The following PAX3 variants were observed in gnomAD, a reference collection of about 807,000 sequenced individuals.
PAX3 encodes the protein paired box 3, also known as paired box protein Pax-3.
In PAX3, 14 loss-of-function variants were observed where a neutral mutation model predicts 51.6. The observed-to-expected ratio is 0.27, with a 90% CI of 0.18 to 0.42. PAX3 has a LOEUF of 0.42. Among genes scored for constraint, PAX3 ranks in the 10% least tolerant of loss-of-function variants. The pLI is 1.00. For missense variants in PAX3, 540 were observed against 642.8 expected (o/e 0.84, Z 1.73); for synonymous variants, 280 against 253.4 (o/e 1.11, Z -1.00).
chr2:222,293,845 T>A, intron 4 of PAX3: 1 of 1,613,160 alleles, frequency 6.2e-7, no homozygotes, highest in Non-Finnish European at 8.5e-7. Context: ...CCCAGTCTCA[T>A]ACATTTAATG....
intron 4 of PAX3, among the ~76,000 whole-genome samples, chr2:222,289,742 C>T (rs1694962192): frequency 6.6e-6 from 1 of 152,212 alleles, no homozygotes; most frequent in Non-Finnish European, 1.5e-5. Flanking sequence ...CCTTTCAAAT[C>T]GTTCCAGCAG....
chr2:222,280,509 C>T (rs1559306399), intron 4 of PAX3, among the ~76,000 whole-genome samples: 1 of 152,102 alleles, frequency 6.6e-6, no homozygotes, highest in African/African-American at 2.4e-5. Context: ...TAATATAAGA[C>T]AAAGGTATGC....
intron 7 of PAX3, among the ~76,000 whole-genome samples, chr2:222,213,398 C>T (rs1193046522): frequency 1.3e-5 from 2 of 152,114 alleles, no homozygotes; most frequent in African/African-American, 2.4e-5. Flanking sequence ...CAGAACATCT[C>T]GAAAACCTAA....
rs28945093 is a variant in PAX3, at chr2:222,294,081, T to G, written c.586+86A>C. On this transcript the variant is annotated intron_variant, in intron 4 of 8. Transcript: ENST00000392070. ...GAAGGGACCTTGATCCGAGCTGGGC[T>G]TGGCTGCCGTCAGATCACCAATGTC... is the stretch of plus-strand genomic sequence containing the variant. 11,413 of 1,597,702 alleles carry G rather than the reference T, an allele frequency of 7.1e-3. 64 individuals carry two copies. Among genetic ancestry groups the G allele is most frequent in the Non-Finnish European group, 9.0e-3 (10,561 of 1,171,146 alleles).
At chr2:222,283,214 C>T (rs1694707557) in intron 4 of PAX3, among the ~76,000 whole-genome samples, 1 of 152,156 alleles carries the variant, frequency 6.6e-6, no homozygotes, top group Non-Finnish European at 1.5e-5. Context: ...GCTATACAAA[C>T]AAGACATTAT....
rs770092308 is a variant in PAX3 at position 222,298,631 on chromosome 2, G to A, written c.-16C>T. On this transcript the variant is annotated 5_prime_UTR_variant, in exon 1 of 9. Transcript: ENST00000392070. ...GCGTGGTCATCCTGGGGGCAGCTTC[G>A]CTCGGAAATTATATCCAGGTGAAGG... 4 of 1,595,718 alleles carry A rather than the reference G, an allele frequency of 2.5e-6. No individual in the cohort carries two copies. Among genetic ancestry groups the A allele is most frequent in the Non-Finnish European group, 3.4e-6 (4 of 1,171,354 alleles).
chr2:222,203,012 C>CATATAT (rs71053057), intron 7 of PAX3, among the ~76,000 whole-genome samples: 1,307 of 41,002 alleles, frequency 0.032, 165 homozygotes, highest in East Asian at 0.076. Flanking sequence ...ACAACCATTT[C>CATATAT]ATATATATAT....
intron 4 of PAX3, among the ~76,000 whole-genome samples, chr2:222,254,975 G>T (rs1316599585): frequency 6.6e-6 from 1 of 152,000 alleles, no homozygotes; most frequent in Admixed American, 6.6e-5. Context: ...AAGAGATGGG[G>T]TTTCGCCATG....
At position 222,290,553 on chromosome 2, in the gene PAX3, A is replaced by T. The variant is rs548420359; in HGVS notation, c.586+3614T>A. Reference sequence around the variant, plus strand: ...ATCGCCAGTCCCCAATCAAAACATCAATTTGGCAATCTGGCCTCTCTCCCC... The same window carrying T: ...ATCGCCAGTCCCCAATCAAAACATCTATTTGGCAATCTGGCCTCTCTCCCC... On this transcript the variant is annotated intron_variant, in intron 4 of 8. Transcript: ENST00000392070. 3.3e-5 allele frequency among the ~76,000 whole-genome samples: 5 copies of T among 152,208 alleles called. No homozygotes were observed. In the East Asian group the frequency reaches 7.7e-4, roughly 24 times the overall value.
chr2:222,235,090 T>G (rs948620145), intron 4 of PAX3, among the ~76,000 whole-genome samples: 1 of 152,208 alleles, frequency 6.6e-6, no homozygotes, highest in Non-Finnish European at 1.5e-5. Flanking sequence ...TTAAATTCTT[T>G]CAAGTAAATA....
chr2:222,261,287 G>A (rs1413904355), intron 4 of PAX3, among the ~76,000 whole-genome samples: 1 of 152,086 alleles, frequency 6.6e-6, no homozygotes, highest in Non-Finnish European at 1.5e-5. Context: ...CCAAATTTGA[G>A]GCTCACTTGC....
chr2:222,240,943 A>G (rs1159317850), intron 4 of PAX3, among the ~76,000 whole-genome samples: 1 of 152,218 alleles, frequency 6.6e-6, no homozygotes, highest in Non-Finnish European at 1.5e-5. Context: ...ACACAAGAAA[A>G]TGTGTCCCTA....
chr2:222,238,871 A>G (rs937911548), intron 4 of PAX3, among the ~76,000 whole-genome samples: 2 of 152,252 alleles, frequency 1.3e-5, no homozygotes, highest in African/African-American at 4.8e-5. Context: ...TAACAGGTCA[A>G]CTTGAAGTTT....
At position 222,219,814 on chromosome 2, in the gene PAX3, C is replaced by A. The variant is rs927253173; in HGVS notation, c.1173+326G>T. On this transcript the variant is annotated intron_variant, in intron 7 of 8. Transcript: ENST00000392070. Reference sequence around the variant, plus strand: ...TAAAACAAAAAAACAAAACAAAAAACCTGCCACTGTTTGCAAGCTTCTTAA... The same window carrying A: ...TAAAACAAAAAAACAAAACAAAAAAACTGCCACTGTTTGCAAGCTTCTTAA... Among the ~76,000 whole-genome samples the A allele has an allele frequency of 3.9e-5, 6 of 152,138 alleles. No individual in the cohort carries two copies. In the East Asian group the frequency reaches 9.6e-4, roughly 24 times the overall value.
intron 4 of PAX3, among the ~76,000 whole-genome samples, chr2:222,288,468 C>T (rs755394878): frequency 1.1e-4 from 17 of 152,126 alleles, no homozygotes; most frequent in African/African-American, 4.8e-5. Context: ...TATGGAAACA[C>T]GTGTAGAGAG....
At chr2:222,213,513 C>A (rs778588237) in intron 7 of PAX3, among the ~76,000 whole-genome samples, 1 of 152,142 alleles carries the variant, frequency 6.6e-6, no homozygotes, top group Non-Finnish European at 1.5e-5. Flanking sequence ...AACATCGAGG[C>A]TTCTGAAGCC....
intron 4 of PAX3, among the ~76,000 whole-genome samples, chr2:222,286,579 A>C (rs1043997237): frequency 1.2e-4 from 18 of 152,254 alleles, no homozygotes; most frequent in African/African-American, 4.1e-4. Context: ...GTTTCACTTA[A>C]AAAATCCTGC....
intron 4 of PAX3, among the ~76,000 whole-genome samples, chr2:222,240,886 A>G (rs1574675284): frequency 6.6e-6 from 1 of 152,220 alleles, no homozygotes; most frequent in Non-Finnish European, 1.5e-5. Flanking sequence ...TTAAAACGCC[A>G]TGGTAACTAC....
chr2:222,206,444 G>A (rs1691513300), intron 7 of PAX3, among the ~76,000 whole-genome samples: 1 of 151,458 alleles, frequency 6.6e-6, no homozygotes. Context: ...TCCGAAATGT[G>A]TTCCACATAC....
Sources: allele counts gnomAD v4.1 joint callset (sites outside exome capture counted in the v4.1 genomes callset), GRCh38; gene constraint gnomAD v4.1.1; transcripts MANE v1.5; gene names NCBI Gene and HGNC (gene_info 2026-07-23, HGNC 2026-07-21).